Variants in GLIS3 observed in about 807,000 individuals in gnomAD.
GLIS3 encodes the protein zinc finger protein GLIS3.
A neutral mutation model predicts 78.6 loss-of-function variants in GLIS3; 53 were observed. The ratio of observed to expected loss-of-function variants is 0.67; its 90% CI spans 0.54 to 0.85. The LOEUF (loss-of-function observed/expected upper bound fraction) is 0.85. Ranked by LOEUF, GLIS3 falls within the 40% of genes least tolerant of loss-of-function variation. The pLI is 0.00. For missense variants in GLIS3, 1,703 were observed against 1,231.1 expected (o/e 1.38, Z -5.74); for synonymous variants, 684 against 509.9 (o/e 1.34, Z -4.60).
intron 4 of GLIS3, among the ~76,000 whole-genome samples, chr9:4,041,940 T>A (rs913916533): frequency 6.6e-6 from 1 of 152,176 alleles, no homozygotes; most frequent in African/African-American, 2.4e-5. Flanking sequence ...TGCTTTAGTG[T>A]AATTCTGGAC....
intron 2 of GLIS3, among the ~76,000 whole-genome samples, chr9:4,194,057 T>TTTA (rs1415584548): frequency 1.3e-5 from 2 of 152,186 alleles, no homozygotes; most frequent in African/African-American, 4.8e-5. Context: ...TATTTATTTA[T>TTTA]TTATTTATTT....
chr9:4,333,342 A>AAAAAAGGGAAGGAAGGAAGG (rs1267690271), intron 2 of GLIS3, among the ~76,000 whole-genome samples: 1 of 151,940 alleles, frequency 6.6e-6, no homozygotes, highest in African/African-American at 2.4e-5. Flanking sequence ...GAAAGGAAAG[A>AAAAAAGGGAAGGAAGGAAGG]AAAAAGGGAA....
intron 2 of GLIS3, among the ~76,000 whole-genome samples, chr9:4,157,729 T>A (rs1185042866): frequency 6.6e-6 from 1 of 152,156 alleles, no homozygotes; most frequent in African/African-American, 2.4e-5. Flanking sequence ...TACGAGTGCT[T>A]CCACAAAGCA....
chr9:4,103,936 A>C (rs1190966676), intron 4 of GLIS3, among the ~76,000 whole-genome samples: 1 of 152,106 alleles, frequency 6.6e-6, no homozygotes, highest in Non-Finnish European at 1.5e-5. Context: ...GTAACACAGC[A>C]ACGCAAGACT....
chr9:4,274,366 G>T (rs900439411), intron 2 of GLIS3, among the ~76,000 whole-genome samples: 34 of 151,978 alleles, frequency 2.2e-4, no homozygotes, highest in Admixed American at 2.6e-4. Flanking sequence ...TTTTTCATTT[G>T]CTACTTAACA....
At chr9:4,114,721 C>G (rs1831498608) in intron 4 of GLIS3, among the ~76,000 whole-genome samples, 1 of 152,080 alleles carries the variant, frequency 6.6e-6, no homozygotes, top group South Asian at 2.1e-4. Context: ...CTTTACTTCT[C>G]AAGCCCTTTG....
intron 4 of GLIS3, among the ~76,000 whole-genome samples, chr9:4,038,209 G>A (rs1824495324): frequency 6.6e-6 from 1 of 152,150 alleles, no homozygotes; most frequent in South Asian, 2.1e-4. Flanking sequence ...ATGATTAGCA[G>A]CCAGCCATAT....
At chr9:3,839,276 T>C (rs1344717548) in intron 9 of GLIS3, among the ~76,000 whole-genome samples, 1 of 152,128 alleles carries the variant, frequency 6.6e-6, no homozygotes, top group East Asian at 1.9e-4. Flanking sequence ...TTTCTAAATA[T>C]CTAGATATTT....
the GLIS3 span, among the ~76,000 whole-genome samples, chr9:4,477,345 T>C: frequency 8.9e-6 from 1 of 112,430 alleles, no homozygotes; most frequent in Non-Finnish European, 1.7e-5. Context: ...AGAAGTAGGA[T>C]GGTGTTTGCT....
chr9:4,413,054 A>G, the GLIS3 span, among the ~76,000 whole-genome samples: 1 of 152,208 alleles, frequency 6.6e-6, no homozygotes, highest in Non-Finnish European at 1.5e-5. Context: ...TGTCTGTTTC[A>G]ACATCTAGCA....
At chr9:4,371,257 T>G in the GLIS3 span, among the ~76,000 whole-genome samples, 3 of 152,172 alleles carry the variant, frequency 2.0e-5, no homozygotes. Flanking sequence ...CCTGGCTGAC[T>G]GGGACAGGAG....
intron 2 of GLIS3, among the ~76,000 whole-genome samples, chr9:4,203,518 T>C (rs1328980668): frequency 6.6e-6 from 1 of 152,148 alleles, no homozygotes; most frequent in Non-Finnish European, 1.5e-5. Flanking sequence ...AAATTAAAAA[T>C]GTAAATGAAT....
chr9:4,275,726 G>A (rs1195700540), intron 2 of GLIS3, among the ~76,000 whole-genome samples: 2 of 152,114 alleles, frequency 1.3e-5, no homozygotes, highest in African/African-American at 2.4e-5. Flanking sequence ...TCGTGCTACT[G>A]CACTCTGGCC....
the GLIS3 span, among the ~76,000 whole-genome samples, chr9:4,365,434 A>T: frequency 6.6e-6 from 1 of 151,906 alleles, no homozygotes; most frequent in African/African-American, 2.4e-5. Flanking sequence ...GCGGGTGCCT[A>T]TAGTCCCAGC....
At chr9:4,449,888 A>C in the GLIS3 span, among the ~76,000 whole-genome samples, 1 of 152,218 alleles carries the variant, frequency 6.6e-6, no homozygotes, top group Non-Finnish European at 1.5e-5. Flanking sequence ...AAAGATGGGG[A>C]GAAACTAGAG....
At chr9:3,860,001 C>T (rs118047658) in intron 8 of GLIS3, among the ~76,000 whole-genome samples, 109 of 151,462 alleles carry the variant, frequency 7.2e-4, no homozygotes, top group South Asian at 4.0e-3. Context: ...GGGGGCCAAG[C>T]GTGGTGGCTC....
At chr9:3,974,328 G>A (rs1818611796) in intron 4 of GLIS3, among the ~76,000 whole-genome samples, 1 of 152,114 alleles carries the variant, frequency 6.6e-6, no homozygotes, top group South Asian at 2.1e-4. Context: ...TTAAATTCTA[G>A]ATACAGAGCC....
At chr9:4,265,594 ATGT>A (rs1825924538) in intron 2 of GLIS3, among the ~76,000 whole-genome samples, 1 of 152,138 alleles carries the variant, frequency 6.6e-6, no homozygotes, top group Non-Finnish European at 1.5e-5. Context: ...TAAAACAAAA[ATGT>A]TGTCACCTGT....
chr9:4,130,072 A>T (rs913028683), intron 2 of GLIS3, among the ~76,000 whole-genome samples: 2 of 152,180 alleles, frequency 1.3e-5, no homozygotes, highest in African/African-American at 4.8e-5. Context: ...TTTGAATTTG[A>T]AAGTGATTTA....
Sources: gnomAD v4.1 joint callset for allele counts (sites outside exome capture counted in the v4.1 genomes callset) on GRCh38, gnomAD v4.1.1 for gene constraint, MANE v1.5 for transcripts, NCBI Gene and HGNC (gene_info 2026-07-23, HGNC 2026-07-21) for gene names.